ANKS1B: variants seen among roughly 807,000 people sequenced by gnomAD.
The protein encoded by ANKS1B is ankyrin repeat and sterile alpha motif domain-containing protein 1B.
ANKS1B carries 36 observed loss-of-function variants against 148.3 expected under a neutral mutation model. The ratio of observed to expected loss-of-function variants is 0.24; its 90% CI spans 0.19 to 0.32. The LOEUF (loss-of-function observed/expected upper bound fraction) is 0.32. Ranked by LOEUF, ANKS1B falls within the 10% of genes least tolerant of loss-of-function variation. ANKS1B has a pLI of 1.00. For missense variants in ANKS1B, 1,157 were observed against 1,542.6 expected (o/e 0.75, Z 4.19); for synonymous variants, 542 against 560.8 (o/e 0.97, Z 0.47).
intron 17 of ANKS1B, among the ~76,000 whole-genome samples, chr12:98,861,707 T>C (rs1009720256): frequency 6.6e-6 from 1 of 152,208 alleles, no homozygotes; most frequent in African/African-American, 2.4e-5. Context: ...CTGAAGATAT[T>C]CATAACATAT....
intron 25 of ANKS1B, among the ~76,000 whole-genome samples, chr12:98,766,699 T>C (rs1235672825): frequency 6.6e-6 from 1 of 152,230 alleles, no homozygotes; most frequent in Non-Finnish European, 1.5e-5. Flanking sequence ...ATCTTTAAGT[T>C]CTCACTTTGT....
At chr12:98,817,407 G>A (rs1352089143) in intron 19 of ANKS1B, among the ~76,000 whole-genome samples, 1 of 152,220 alleles carries the variant, frequency 6.6e-6, no homozygotes, top group African/African-American at 2.4e-5. Flanking sequence ...AGCAGTGACA[G>A]CCCCACAGTT....
intron 17 of ANKS1B, among the ~76,000 whole-genome samples, chr12:98,997,683 G>A (rs895800595): frequency 7.9e-5 from 12 of 152,050 alleles, no homozygotes; most frequent in South Asian, 2.1e-4. Context: ...GAGCCACCGC[G>A]CCTGGCCCAG....
chr12:98,862,202 G>A (rs2152199973), intron 17 of ANKS1B, among the ~76,000 whole-genome samples: 1 of 152,242 alleles, frequency 6.6e-6, no homozygotes, highest in Middle Eastern at 3.4e-3. Flanking sequence ...TAAAACTAAT[G>A]ACTTGACCTT....
intron 9 of ANKS1B, among the ~76,000 whole-genome samples, chr12:99,588,578 G>A (rs1000842496): frequency 1.8e-4 from 28 of 151,886 alleles, no homozygotes; most frequent in Non-Finnish European, 3.1e-4. Flanking sequence ...CACTACGCCC[G>A]GCTAATTGAA....
chr12:98,942,769 C>T (rs929060465), intron 17 of ANKS1B, among the ~76,000 whole-genome samples: 6 of 152,172 alleles, frequency 3.9e-5, no homozygotes, highest in African/African-American at 9.7e-5. Flanking sequence ...CAACTGATAG[C>T]GACTCCTGTG....
At chr12:99,150,850 G>A (rs895186613) in intron 15 of ANKS1B, among the ~76,000 whole-genome samples, 2 of 151,948 alleles carry the variant, frequency 1.3e-5, no homozygotes, top group South Asian at 4.2e-4. Flanking sequence ...TTGCCAAGCA[G>A]GAGGGAGGTG....
intron 19 of ANKS1B, among the ~76,000 whole-genome samples, chr12:98,819,612 T>C (rs2099168215): frequency 6.6e-6 from 1 of 152,192 alleles, no homozygotes; most frequent in African/African-American, 2.4e-5. Flanking sequence ...GGGCCAGCTT[T>C]CCAGTCAAGT....
chr12:99,645,429 G>A (rs527508673), intron 9 of ANKS1B, among the ~76,000 whole-genome samples: 1 of 152,202 alleles, frequency 6.6e-6, no homozygotes, highest in Admixed American at 6.5e-5. Flanking sequence ...GGGAGAGAGG[G>A]GGAAAGCTAA....
At chr12:99,579,441 A>G (rs2097549289) in intron 9 of ANKS1B, among the ~76,000 whole-genome samples, 2 of 152,204 alleles carry the variant, frequency 1.3e-5, no homozygotes, top group Non-Finnish European at 2.9e-5. Flanking sequence ...AAATATTTGC[A>G]AACTATGCAT....
chr12:99,302,587 A>C (rs1468051462), intron 12 of ANKS1B, among the ~76,000 whole-genome samples: 1 of 152,162 alleles, frequency 6.6e-6, no homozygotes, highest in African/African-American at 2.4e-5. Context: ...CTTCAGTGAT[A>C]TGTTAGGCAC....
At chr12:99,860,897 C>T (rs2089936771) in intron 1 of ANKS1B, among the ~76,000 whole-genome samples, 1 of 152,174 alleles carries the variant, frequency 6.6e-6, no homozygotes, top group Non-Finnish European at 1.5e-5. Flanking sequence ...ATAAATTAAA[C>T]TACATTTGCC....
chr12:99,977,455 CA>C (rs1208557785), intron 1 of ANKS1B, among the ~76,000 whole-genome samples: 2 of 152,160 alleles, frequency 1.3e-5, no homozygotes, highest in Non-Finnish European at 2.9e-5. Flanking sequence ...AGACAGATCC[CA>C]TCTCTTCATA....
At chr12:99,352,608 C>T (rs890405022) in intron 12 of ANKS1B, among the ~76,000 whole-genome samples, 1 of 151,860 alleles carries the variant, frequency 6.6e-6, no homozygotes, top group Non-Finnish European at 1.5e-5. Flanking sequence ...GTGTTGCATA[C>T]AATACAAAAA....
intron 8 of ANKS1B, among the ~76,000 whole-genome samples, chr12:99,738,640 T>C (rs990005799): frequency 2.0e-5 from 3 of 152,130 alleles, no homozygotes; most frequent in African/African-American, 7.2e-5. Flanking sequence ...GTGAAACCAT[T>C]AAAAACTAGA....
rs1348422775 is a variant in ANKS1B, at chr12:99,406,645, T to C, written c.1576-6834A>G. Among the ~76,000 whole-genome samples the C allele has an allele frequency of 1.4e-5, 2 of 144,920 alleles. 1 individual carries two copies. The highest frequency in any genetic ancestry group is 3.0e-5 in the Non-Finnish European group (2 of 65,638). On this transcript the variant is annotated intron_variant, in intron 11 of 26. Coordinates refer to ENST00000683438, the MANE Select transcript of ANKS1B (RefSeq NM_001352186.2). ...GGCAAGAGAAAACCATACCCAAAGT[T>C]AGAAGAAAAGAAATAATAAAGATCA...
At chr12:99,677,766 G>A (rs977824637) in intron 8 of ANKS1B, among the ~76,000 whole-genome samples, 2 of 152,220 alleles carry the variant, frequency 1.3e-5, no homozygotes, top group African/African-American at 4.8e-5. Flanking sequence ...GAGGTCAGGA[G>A]ATCGAGACCA....
chr12:99,496,627 G>C (rs1369105347), intron 10 of ANKS1B, among the ~76,000 whole-genome samples: 1 of 152,150 alleles, frequency 6.6e-6, no homozygotes, highest in Non-Finnish European at 1.5e-5. Context: ...TCCTTGGAAA[G>C]AGTATCCTTC....
chr12:98,911,080 G>A (rs183229380), intron 17 of ANKS1B, among the ~76,000 whole-genome samples: 2 of 149,250 alleles, frequency 1.3e-5, no homozygotes, highest in African/African-American at 2.4e-5. Flanking sequence ...ACCACCATCT[G>A]GAGATAAAAA....
Sources: gnomAD v4.1 joint callset for allele counts (sites outside exome capture counted in the v4.1 genomes callset) on GRCh38, gnomAD v4.1.1 for gene constraint, MANE v1.5 for transcripts, NCBI Gene and HGNC (gene_info 2026-07-23, HGNC 2026-07-21) for gene names.